The following KSR1 variants were observed in gnomAD, a reference collection of about 807,000 sequenced individuals.
KSR1 encodes kinase suppressor of ras 1.
In KSR1, 35 loss-of-function variants were observed where a neutral mutation model predicts 92.9. That is an observed-to-expected ratio of 0.38 (90% CI 0.29 to 0.50). The LOEUF is 0.50. Ranked by LOEUF, KSR1 falls within the 20% of genes least tolerant of loss-of-function variation. The pLI is 0.94. For missense variants in KSR1, 972 were observed against 1,158.5 expected (o/e 0.84, Z 2.34); for synonymous variants, 467 against 472.6 (o/e 0.99, Z 0.15).
rs1261939323 is a variant in KSR1, at chr17:27,625,566, G to C, written c.*2174G>C. 6.6e-6 allele frequency: 1 copy of C among 152,220 alleles called. No individual in the cohort carries two copies. Among genetic ancestry groups the C allele is most frequent in the African/African-American group, 2.4e-5 (1 of 41,440 alleles). 9.4% of individuals were successfully genotyped at this position (152,220 alleles called of 1,614,324 possible). A position where few individuals can be genotyped will look rare whatever the true frequency, so the allele number is the denominator to read the frequency against. Reference sequence around the variant, plus strand: ...AAGGACTGGGGGCAGCTGGCTCTCAGCCTGCCACCTCTGCACTGCCTGCCT... The same window carrying C: ...AAGGACTGGGGGCAGCTGGCTCTCACCCTGCCACCTCTGCACTGCCTGCCT... On this transcript the variant is annotated 3_prime_UTR_variant, in exon 21 of 21. Coordinates refer to ENST00000644974, the MANE Select transcript of KSR1 (RefSeq NM_001394583.1).
At chr17:27,567,372 C>T (rs2072120049) in intron 2 of KSR1, among the ~76,000 whole-genome samples, 1 of 152,100 alleles carries the variant, frequency 6.6e-6, no homozygotes, top group African/African-American at 2.4e-5. Flanking sequence ...AGGAGGATTG[C>T]TTGAAGCCAG....
chr17:27,592,650 G>A, intron 9 of KSR1, 24 bp downstream of exon 9: 1 of 1,595,870 alleles, frequency 6.3e-7, no homozygotes, highest in Non-Finnish European at 8.6e-7. Flanking sequence ...TGCTGGGGAG[G>A]ACGCCCTTCT....
chr17:27,555,507 T>C (rs1222143285), intron 2 of KSR1, among the ~76,000 whole-genome samples: 2 of 98,446 alleles, frequency 2.0e-5, no homozygotes, highest in African/African-American at 8.6e-5. Context: ...TCAGTTTTGT[T>C]TGGCGTGTGT....
chr17:27,593,446 C>T (rs1051681675), intron 9 of KSR1, among the ~76,000 whole-genome samples: 9 of 152,222 alleles, frequency 5.9e-5, no homozygotes, highest in Admixed American at 3.9e-4. Flanking sequence ...TGTGCCCCCC[C>T]GATGAGCATG....
At position 27,602,107 on chromosome 17, in the gene KSR1, CTG is replaced by C. The variant is rs1314825576; in HGVS notation, c.1510+708_1510+709del. ...AGCATAATGGTGTTTAAAACAAAGA[CTG>C]TAGCTGTTTTTTTTTTGGATTGAAC... On this transcript the variant is annotated intron_variant, in intron 11 of 20. Transcript: ENST00000644974. 6.4e-6 allele frequency: 4 copies of C among 620,894 alleles called. No homozygotes were observed. In the South Asian group the frequency reaches 8.0e-5, roughly 12 times the overall value. 38.5% of individuals were successfully genotyped at this position (620,894 alleles called of 1,614,324 possible). A position where few individuals can be genotyped will look rare whatever the true frequency, so the allele number is the denominator to read the frequency against.
chr17:27,588,508 G>T lies in KSR1; in HGVS notation c.1019G>T (p.Arg340Met). ...LSHGSPQMVRRDIGLSVTHRF... is the reference protein window; with the variant it reads ...LSHGSPQMVRMDIGLSVTHRF... ...CATGGATCCCCACAGATGGTACGGA[G>T]GGATATCGGGCTGTCGGTGACGCAC... is the stretch of plus-strand genomic sequence containing the variant. Residue 340 changes from arginine to methionine, a missense_variant, in exon 6 of 21, where the codon AGG becomes ATG. Transcript: ENST00000644974. The T allele has an allele frequency of 6.3e-7, 1 of 1,593,338 alleles. No individual in the cohort carries two copies. Among genetic ancestry groups the T allele is most frequent in the Admixed American group, 1.7e-5 (1 of 57,288 alleles).
chr17:27,467,813 G>GTTTTTT (rs200085439), intron 1 of KSR1, among the ~76,000 whole-genome samples: 1 of 139,390 alleles, frequency 7.2e-6, no homozygotes, highest in Non-Finnish European at 1.5e-5. Flanking sequence ...TTTATGTTTT[G>GTTTTTT]TTTTTTTTTT....
chr17:27,503,558 G>A (rs193226685), intron 1 of KSR1, among the ~76,000 whole-genome samples: 23 of 152,274 alleles, frequency 1.5e-4, no homozygotes, highest in East Asian at 5.8e-4. Context: ...GTTTGGTATC[G>A]TTAACTCCTG....
intron 1 of KSR1, among the ~76,000 whole-genome samples, chr17:27,498,721 C>T (rs548635386): frequency 3.3e-5 from 5 of 152,264 alleles, no homozygotes; most frequent in African/African-American, 1.2e-4. Flanking sequence ...GCTATTGAGG[C>T]CTGGATCCCA....
At chr17:27,520,880 G>A (rs1360629615) in intron 1 of KSR1, among the ~76,000 whole-genome samples, 2 of 152,254 alleles carry the variant, frequency 1.3e-5, no homozygotes, top group Non-Finnish European at 2.9e-5. Context: ...GGAGACGTGT[G>A]ATTCCCTGTT....
chr17:27,484,333 G>A (rs1489454132), intron 1 of KSR1, among the ~76,000 whole-genome samples: 1 of 152,222 alleles, frequency 6.6e-6, no homozygotes, highest in Non-Finnish European at 1.5e-5. Context: ...CCAGGTTCAA[G>A]CAATTCTCCT....
intron 6 of KSR1, among the ~76,000 whole-genome samples, chr17:27,590,118 C>G (rs1180438148): frequency 2.0e-5 from 3 of 152,200 alleles, no homozygotes; most frequent in Non-Finnish European, 1.5e-5. Context: ...AGATGAAGAA[C>G]ATTCCAGCAC....
At chr17:27,520,563 C>T (rs562837646) in intron 1 of KSR1, among the ~76,000 whole-genome samples, 1 of 152,358 alleles carries the variant, frequency 6.6e-6, no homozygotes, top group African/African-American at 2.4e-5. Context: ...AAATAAAATG[C>T]TAATCGTGCC....
At chr17:27,485,526 G>A (rs1308604733) in intron 1 of KSR1, among the ~76,000 whole-genome samples, 1 of 152,178 alleles carries the variant, frequency 6.6e-6, no homozygotes, top group Non-Finnish European at 1.5e-5. Context: ...CTTTCACAGT[G>A]GGTTTATTAT....
At position 27,623,847 on chromosome 17, in the gene KSR1, G is replaced by A. The variant is rs1301014091; in HGVS notation, c.*455G>A. ...GCGGGGAGCCCAGAAGGTCTGATCTGGCCTCTGCTTTTTGGCCCAAGACTC... is the reference window on the plus strand; with the variant it reads ...GCGGGGAGCCCAGAAGGTCTGATCTAGCCTCTGCTTTTTGGCCCAAGACTC... On this transcript the variant is annotated 3_prime_UTR_variant, in exon 21 of 21. Transcript: ENST00000644974. 2.0e-6 allele frequency: 1 copy of A among 490,636 alleles called. No individual in the cohort carries two copies. Among genetic ancestry groups the A allele is most frequent in the East Asian group, 3.5e-5 (1 of 28,742 alleles). The allele number at this position is 490,636 out of a possible 1,614,324, so 30.4% of individuals were successfully genotyped here. A position where few individuals can be genotyped will look rare whatever the true frequency, so the allele number is the denominator to read the frequency against.
chr17:27,621,385 T>C (rs76887154), intron 20 of KSR1, 112 bp downstream of exon 20: 59 of 396,378 alleles, frequency 1.5e-4, no homozygotes, highest in African/African-American at 1.2e-3. Context: ...TGTCATTTAT[T>C]CTCGCAAACC....
chr17:27,614,363 T>C (rs1450490160), intron 18 of KSR1, among the ~76,000 whole-genome samples: 1 of 152,248 alleles, frequency 6.6e-6, no homozygotes, highest in Non-Finnish European at 1.5e-5. Context: ...CAGAGTATTA[T>C]GTATATTTGT....
At chr17:27,557,025 T>G (rs2071622456) in intron 2 of KSR1, among the ~76,000 whole-genome samples, 1 of 152,122 alleles carries the variant, frequency 6.6e-6, no homozygotes, top group Non-Finnish European at 1.5e-5. Context: ...AGTGGCCCCA[T>G]GGGACAGCCT....
At chr17:27,615,737 G>A (rs544322813) in intron 18 of KSR1, among the ~76,000 whole-genome samples, 58 of 152,082 alleles carry the variant, frequency 3.8e-4, no homozygotes, top group African/African-American at 1.3e-3. Context: ...GTCTCATATC[G>A]TGCCCTCTCT....
Sources: allele counts gnomAD v4.1 joint callset (sites outside exome capture counted in the v4.1 genomes callset), GRCh38; gene constraint gnomAD v4.1.1; transcripts MANE v1.5; gene names NCBI Gene and HGNC (gene_info 2026-07-23, HGNC 2026-07-21).